THSD7A: variants seen among roughly 807,000 people sequenced by gnomAD.
THSD7A encodes the protein thrombospondin type-1 domain-containing protein 7A.
A neutral mutation model predicts 231.3 loss-of-function variants in THSD7A; 96 were observed. The ratio of observed to expected loss-of-function variants is 0.41; its 90% confidence interval spans 0.35 to 0.49. The LOEUF (loss-of-function observed/expected upper bound fraction) is 0.49, where lower values mean the gene tolerates loss of function less well. Ranked by LOEUF, THSD7A falls within the 20% of genes least tolerant of loss-of-function variation. THSD7A has a pLI of 0.05. For synonymous variants in THSD7A, 940 were observed against 743.3 expected (o/e 1.26, Z -4.30); for missense variants, 2,290 against 2,070.2 (o/e 1.11, Z -2.06).
intron 11 of THSD7A, among the ~76,000 whole-genome samples, chr7:11,459,102 T>C (rs1785408427): frequency 1.3e-5 from 2 of 152,194 alleles, no homozygotes; most frequent in Non-Finnish European, 2.9e-5. Context: ...TCATCTGCTT[T>C]ACCTAATTTT....
intron 2 of THSD7A, among the ~76,000 whole-genome samples, chr7:11,615,680 A>G (rs924500650): frequency 2.0e-5 from 3 of 152,166 alleles, no homozygotes; most frequent in African/African-American, 7.2e-5. Context: ...AATCCCTTCT[A>G]TAGTACAAGA....
At position 11,715,218 on chromosome 7, in the gene THSD7A, G is replaced by A. The variant is rs561490781; in HGVS notation, c.191-78257C>T. ...CATATTGTTTTCCTCTGAAAGCTGAGAAACACATTATTACATTACAATGAA... is the reference window on the plus strand; with the variant it reads ...CATATTGTTTTCCTCTGAAAGCTGAAAAACACATTATTACATTACAATGAA... On this transcript the variant is annotated intron_variant, in intron 1 of 27. Transcript: ENST00000423059. 1.0e-3 allele frequency among the ~76,000 whole-genome samples: 158 copies of A among 151,504 alleles called. 1 individual carries two copies. Among genetic ancestry groups the A allele is most frequent in the Non-Finnish European group, 1.8e-3 (124 of 67,616 alleles).
Position 11,541,773 on chromosome 7 carries a change from ACTGTAGCTAATGTGAGGT to A in THSD7A, c.1610-160_1610-143del, listed in dbSNP as rs947966090. ...TTTTGAGTCACTGGTGTATCCCCAAACTGTAGCTAATGTGAGGTCATGAACCATCCATTAAATGAGTGA... is the reference window on the plus strand; with the variant it reads ...TTTTGAGTCACTGGTGTATCCCCAAACATGAACCATCCATTAAATGAGTGA... On this transcript the variant is annotated intron_variant, in intron 5 of 27. Coordinates refer to ENST00000423059, the MANE Select transcript of THSD7A (RefSeq NM_015204.3). 42 of 724,650 alleles carry A rather than the reference ACTGTAGCTAATGTGAGGT, an allele frequency of 5.8e-5. No individual in the cohort carries two copies. The African/African-American group carries it at 7.1e-4, about 12-fold the overall frequency. The allele number at this position is 724,650 out of a possible 1,614,324, so 44.9% of individuals were successfully genotyped here. A position where few individuals can be genotyped will look rare whatever the true frequency, so the allele number is the denominator to read the frequency against.
intron 2 of THSD7A, among the ~76,000 whole-genome samples, chr7:11,635,805 C>A (rs747439992): frequency 1.3e-5 from 2 of 152,048 alleles, no homozygotes; most frequent in African/African-American, 4.8e-5. Flanking sequence ...AATATTTCAG[C>A]CCCTAAGCAA....
At chr7:11,762,043 G>C (rs1211452306) in intron 1 of THSD7A, among the ~76,000 whole-genome samples, 3 of 151,984 alleles carry the variant, frequency 2.0e-5, no homozygotes, top group African/African-American at 7.3e-5. Flanking sequence ...TTGGATGATG[G>C]CCTCCAGTTT....
At chr7:11,558,979 A>AT (rs1789965033) in intron 4 of THSD7A, among the ~76,000 whole-genome samples, 2 of 114,072 alleles carry the variant, frequency 1.8e-5, no homozygotes, top group African/African-American at 2.9e-5. Context: ...ATGAGATGGA[A>AT]GAAAAAGGAG....
intron 4 of THSD7A, among the ~76,000 whole-genome samples, chr7:11,580,327 CA>C (rs1379205921): frequency 6.6e-6 from 1 of 152,040 alleles, no homozygotes; most frequent in Non-Finnish European, 1.5e-5. Context: ...AATAAGGGTA[CA>C]GGTTCGTTAT....
chr7:11,389,876 T>G (rs951968718), intron 23 of THSD7A, among the ~76,000 whole-genome samples: 1 of 152,202 alleles, frequency 6.6e-6, no homozygotes, highest in Non-Finnish European at 1.5e-5. Context: ...TTATGAAGCT[T>G]AGTTTGGCTG....
At chr7:11,618,338 G>T (rs1781178907) in intron 2 of THSD7A, among the ~76,000 whole-genome samples, 1 of 152,100 alleles carries the variant, frequency 6.6e-6, no homozygotes, top group Non-Finnish European at 1.5e-5. Flanking sequence ...GTATATACAC[G>T]TAAGATGTAT....
chr7:11,459,605 G>T (rs1231087263), intron 11 of THSD7A, among the ~76,000 whole-genome samples: 1 of 140,726 alleles, frequency 7.1e-6, no homozygotes, highest in Non-Finnish European at 1.5e-5. Flanking sequence ...AAGATTATTT[G>T]GAAACTAAGT....
Position 11,426,656 on chromosome 7 carries a change from G to T in THSD7A, c.3249+10C>A. On this transcript the variant is annotated intron_variant, in intron 15 of 27. Transcript: ENST00000423059. ...TTCTATCAAAAAGCATGAGGTTTAA[G>T]AGTTCTTACCTGTGCCTGGAGTGGT... 2 of 1,557,876 alleles carry T rather than the reference G, an allele frequency of 1.3e-6. No homozygotes were observed. The highest frequency in any genetic ancestry group is 2.3e-5 in the East Asian group (1 of 43,334).
intron 1 of THSD7A, among the ~76,000 whole-genome samples, chr7:11,681,972 A>T (rs867121224): frequency 2.0e-5 from 3 of 152,246 alleles, no homozygotes; most frequent in Non-Finnish European, 4.4e-5. Context: ...TTAAAAAAAG[A>T]AATTCCAACA....
intron 4 of THSD7A, among the ~76,000 whole-genome samples, chr7:11,567,951 G>C (rs7784729): frequency 0.26 from 38,781 of 151,808 alleles, 5,046 homozygotes; most frequent in Middle Eastern, 0.41. Context: ...CTATTAATGA[G>C]TCCTTACATT....
chr7:11,394,180 C>G (rs1402792710), intron 23 of THSD7A, among the ~76,000 whole-genome samples: 1 of 152,222 alleles, frequency 6.6e-6, no homozygotes, highest in Non-Finnish European at 1.5e-5. Flanking sequence ...CTGCAGAAAT[C>G]CTACGAGCCA....
At chr7:11,767,158 CAG>C (rs1783056094) in intron 1 of THSD7A, among the ~76,000 whole-genome samples, 2 of 152,100 alleles carry the variant, frequency 1.3e-5, no homozygotes, top group Admixed American at 6.5e-5. Flanking sequence ...GAGAAGTAAA[CAG>C]GGGTACACTG....
At chr7:11,762,251 A>G (rs1245815075) in intron 1 of THSD7A, among the ~76,000 whole-genome samples, 1 of 152,150 alleles carries the variant, frequency 6.6e-6, no homozygotes, top group East Asian at 1.9e-4. Context: ...TTGGGCAGGT[A>G]TCCATTAGTG....
chr7:11,716,489 T>C (rs551791461), intron 1 of THSD7A, among the ~76,000 whole-genome samples: 6 of 151,684 alleles, frequency 4.0e-5, no homozygotes, highest in Non-Finnish European at 8.9e-5. Flanking sequence ...CACAGATTCC[T>C]GCTTCCCTAC....
At chr7:11,680,379 C>T (rs1307756963) in intron 1 of THSD7A, among the ~76,000 whole-genome samples, 1 of 152,116 alleles carries the variant, frequency 6.6e-6, no homozygotes, top group African/African-American at 2.4e-5. Context: ...AGAGCTTCTG[C>T]ACAGAAAAAG....
At chr7:11,723,564 C>T (rs1005233708) in intron 1 of THSD7A, among the ~76,000 whole-genome samples, 3 of 151,530 alleles carry the variant, frequency 2.0e-5, no homozygotes, top group Non-Finnish European at 2.9e-5. Flanking sequence ...AGCAGATATA[C>T]CAGGCAAATT....
Sources: allele counts gnomAD v4.1 joint callset (sites outside exome capture counted in the v4.1 genomes callset), GRCh38; gene constraint gnomAD v4.1.1; transcripts MANE v1.5; gene names NCBI Gene and HGNC (gene_info 2026-07-23, HGNC 2026-07-21).